VEPH1: variants seen among roughly 807,000 people sequenced by gnomAD.
VEPH1 encodes ventricular zone expressed PH domain containing 1.
In VEPH1, 80 loss-of-function variants were observed where a neutral mutation model predicts 85.2. The ratio of observed to expected loss-of-function variants is 0.94; its 90% confidence interval spans 0.78 to 1.13. The LOEUF (loss-of-function observed/expected upper bound fraction) is 1.13, where lower values mean the gene tolerates loss of function less well. Among genes scored for constraint, VEPH1 ranks in the 50% most tolerant of loss-of-function variants. The pLI, the probability that VEPH1 is intolerant of heterozygous loss-of-function variation, is 0.00. For synonymous variants in VEPH1, 297 were observed against 348.0 expected, an observed-to-expected ratio of 0.85 and a Z score of 1.63; for missense variants, 955 against 980.5, an observed-to-expected ratio of 0.97 and a Z score of 0.35.
chr3:157,347,350 G>C (rs1052331084), intron 9 of VEPH1, among the ~76,000 whole-genome samples: 1 of 152,182 alleles, frequency 6.6e-6, no homozygotes, highest in Non-Finnish European at 1.5e-5. Flanking sequence ...GCGTATTCAA[G>C]GTTATTTTTC....
chr3:157,432,873 A>G (rs1321371235), intron 4 of VEPH1, among the ~76,000 whole-genome samples: 1 of 152,174 alleles, frequency 6.6e-6, no homozygotes, highest in Non-Finnish European at 1.5e-5. Context: ...CTTCTCATTT[A>G]AGGAGATAAT....
Position 157,495,471 on chromosome 3 carries a change from T to A in VEPH1, c.-122A>T. 6.7e-7 allele frequency: 1 copy of A among 1,501,950 alleles called. No individual in the cohort carries two copies. The highest frequency in any genetic ancestry group is 1.4e-5 in the South Asian group (1 of 71,760). The allele number at this position is 1,501,950 out of a possible 1,614,324, so 93.0% of individuals were successfully genotyped here. A position where few individuals can be genotyped will look rare whatever the true frequency, so the allele number is the denominator to read the frequency against. ...ATACTTCTTATTCCATGAAAGGTCA[T>A]TTTTCTCCAGACTTTGAGGTCTTCA... is the stretch of plus-strand genomic sequence containing the variant. On this transcript the variant is annotated 5_prime_UTR_variant, in exon 2 of 14. An upstream start codon of the reference 5' UTR is lost. Coordinates refer to ENST00000362010, the MANE Select transcript of VEPH1 (RefSeq NM_001167912.2).
At chr3:157,270,218 G>T (rs1462259633) in intron 12 of VEPH1, among the ~76,000 whole-genome samples, 2 of 151,850 alleles carry the variant, frequency 1.3e-5, no homozygotes, top group East Asian at 3.9e-4. Flanking sequence ...TGTGCAGTGA[G>T]CTATGATCAT....
intron 9 of VEPH1, among the ~76,000 whole-genome samples, chr3:157,342,720 A>G (rs902365337): frequency 1.3e-5 from 2 of 152,358 alleles, no homozygotes; most frequent in South Asian, 2.1e-4. Context: ...CCAACAGAAT[A>G]TACATTCTTC....
At chr3:157,279,341 C>T (rs146896989) in intron 12 of VEPH1, among the ~76,000 whole-genome samples, 4 of 152,278 alleles carry the variant, frequency 2.6e-5, no homozygotes, top group Non-Finnish European at 4.4e-5. Context: ...AGACAAATAA[C>T]ATGAAGACTG....
intron 4 of VEPH1, among the ~76,000 whole-genome samples, chr3:157,429,090 A>G (rs751556220): frequency 1.8e-4 from 27 of 152,250 alleles, no homozygotes; most frequent in Non-Finnish European, 1.6e-4. Flanking sequence ...CCTCAAAGAT[A>G]TGTATAGACA....
chr3:157,420,178 G>T (rs1051413289), intron 5 of VEPH1, among the ~76,000 whole-genome samples: 16 of 151,740 alleles, frequency 1.1e-4, no homozygotes, highest in African/African-American at 3.6e-4. Context: ...GGGACCTGTT[G>T]GGGGGCTGGG....
chr3:157,428,257 G>T (rs902642933), intron 5 of VEPH1, 65 bp downstream of exon 5: 2 of 1,554,796 alleles, frequency 1.3e-6, no homozygotes, highest in Middle Eastern at 1.8e-4. Context: ...AAGCACATAC[G>T]CTGTTCACAC....
intron 4 of VEPH1, among the ~76,000 whole-genome samples, chr3:157,439,804 G>A (rs914379677): frequency 2.0e-5 from 3 of 152,190 alleles, no homozygotes; most frequent in African/African-American, 7.2e-5. Context: ...AGGCTGGAGT[G>A]CAGTGGCGCG....
At chr3:157,459,636 A>C (rs948451311) in intron 4 of VEPH1, 2 of 1,296,260 alleles carry the variant, frequency 1.5e-6, no homozygotes, top group South Asian at 2.3e-5. Flanking sequence ...GCATGAACTA[A>C]TTTGAGCTTC....
At chr3:157,262,628 A>G (rs1325704154) in intron 13 of VEPH1, among the ~76,000 whole-genome samples, 1 of 152,172 alleles carries the variant, frequency 6.6e-6, no homozygotes. Context: ...TTAAACTGCT[A>G]TGGTATTTTA....
chr3:157,331,473 C>G (rs117055960), intron 9 of VEPH1, among the ~76,000 whole-genome samples: 13 of 152,202 alleles, frequency 8.5e-5, no homozygotes, highest in Admixed American at 8.5e-4. Flanking sequence ...CTCTGCTTTA[C>G]GATTCAACCA....
At chr3:157,266,174 G>C (rs1326088486) in intron 12 of VEPH1, among the ~76,000 whole-genome samples, 1 of 150,740 alleles carries the variant, frequency 6.6e-6, no homozygotes, top group East Asian at 1.9e-4. Context: ...AGTATATTTA[G>C]CTATTTGGCA....
chr3:157,414,747 A>T (rs968539491), intron 5 of VEPH1, among the ~76,000 whole-genome samples: 2 of 152,172 alleles, frequency 1.3e-5, no homozygotes, highest in African/African-American at 4.8e-5. Flanking sequence ...ACTCTATGTT[A>T]ATACATCACA....
intron 6 of VEPH1, among the ~76,000 whole-genome samples, chr3:157,412,798 A>G (rs1303312017): frequency 6.6e-6 from 1 of 152,154 alleles, no homozygotes; most frequent in Non-Finnish European, 1.5e-5. Context: ...TAGAGGAGAA[A>G]GAGCCTCACC....
chr3:157,271,084 C>G (rs1044066364), intron 12 of VEPH1, among the ~76,000 whole-genome samples: 3 of 152,140 alleles, frequency 2.0e-5, no homozygotes, highest in Non-Finnish European at 4.4e-5. Flanking sequence ...AACTCAGAAA[C>G]AAGTAAAGCA....
At chr3:157,289,342 A>G (rs1175078578) in intron 11 of VEPH1, among the ~76,000 whole-genome samples, 1 of 152,192 alleles carries the variant, frequency 6.6e-6, no homozygotes, top group Non-Finnish European at 1.5e-5. Flanking sequence ...CTTGGAAAAA[A>G]GTTTAAACGT....
chr3:157,317,194 C>T lies in VEPH1; in HGVS notation c.1743G>A (p.Val581=). ...AGAACAACTTTGCTACACAACTTCT[C>T]ACAGTGTCTAGAAACAAATACATAT... ...VPDQCTIEDT[V]RSCVAKLFFT... is the part of the protein sequence containing the mutation. The change falls in exon 10 of 14, where the codon GTG becomes GTA. Residue 581 remains valine, a synonymous_variant. Coordinates refer to ENST00000362010, the MANE Select transcript of VEPH1 (RefSeq NM_001167912.2). 14 of 1,611,232 alleles carry T rather than the reference C, an allele frequency of 8.7e-6. No homozygotes were observed. The highest frequency in any genetic ancestry group is 1.0e-5 in the Non-Finnish European group (12 of 1,178,750).
At chr3:157,401,416 T>C (rs1183416780) in intron 6 of VEPH1, among the ~76,000 whole-genome samples, 1 of 152,156 alleles carries the variant, frequency 6.6e-6, no homozygotes, top group Non-Finnish European at 1.5e-5. Flanking sequence ...TGACATAATT[T>C]ACTCATTAGA....
Sources: gnomAD v4.1 joint callset for allele counts (sites outside exome capture counted in the v4.1 genomes callset) on GRCh38, gnomAD v4.1.1 for gene constraint, MANE v1.5 for transcripts, NCBI Gene and HGNC (gene_info 2026-07-23, HGNC 2026-07-21) for gene names.